Variants in VWC2 observed in about 807,000 individuals in gnomAD.
VWC2 encodes brorin.
A neutral mutation model predicts 29.8 loss-of-function variants in VWC2; 14 were observed. The observed-to-expected ratio is 0.47, with a 90% CI of 0.31 to 0.74. The LOEUF (loss-of-function observed/expected upper bound fraction) is 0.74, where lower values mean the gene tolerates loss of function less well. Ranked by LOEUF, VWC2 falls within the 30% of genes least tolerant of loss-of-function variation. The probability of loss-of-function intolerance (pLI) is 0.05; values close to 1 mark genes in which losing one functional copy is unlikely to be tolerated. For missense variants in VWC2, 457 were observed against 459.8 expected (o/e 0.99, Z 0.05); for synonymous variants, 213 against 199.0 (o/e 1.07, Z -0.59).
intron 3 of VWC2, among the ~76,000 whole-genome samples, chr7:49,830,935 T>C (rs1789512112): frequency 6.6e-6 from 1 of 152,204 alleles, no homozygotes; most frequent in Non-Finnish European, 1.5e-5. Flanking sequence ...ACATTTGGGT[T>C]GGTTCCAAGT....
chr7:49,839,189 C>G (rs548279885), intron 3 of VWC2, among the ~76,000 whole-genome samples: 3 of 152,116 alleles, frequency 2.0e-5, no homozygotes, highest in African/African-American at 7.2e-5. Flanking sequence ...TTTCCAGCCC[C>G]CAGAACTGTG....
chr7:49,789,284 AGT>A (rs1319418744), intron 2 of VWC2, among the ~76,000 whole-genome samples: 5 of 105,298 alleles, frequency 4.7e-5, no homozygotes, highest in East Asian at 3.1e-4. Context: ...TGTGTGTGAG[AGT>A]GTGAGTGTGA....
intron 3 of VWC2, among the ~76,000 whole-genome samples, chr7:49,815,642 A>G (rs1025703196): frequency 6.6e-6 from 1 of 152,242 alleles, no homozygotes; most frequent in Non-Finnish European, 1.5e-5. Flanking sequence ...GGTTCTTAAT[A>G]ACTGAAGACC....
rs1023692874 is a variant in VWC2, at chr7:49,775,655, C to T, written c.220C>T (p.Arg74Trp). The T allele has an allele frequency of 7.2e-6, 11 of 1,527,482 alleles. No individual in the cohort carries two copies. Among genetic ancestry groups the T allele is most frequent in the East Asian group, 2.6e-5 (1 of 39,066 alleles). The allele number at this position is 1,527,482 out of a possible 1,614,324, so 94.6% of individuals were successfully genotyped here. ...GGCGAGGGACGAGGGCGGCAGCGGC[C>T]GGGACTGGAAGAGCAAGAGCGGCCG... ...RPARDEGGSG[R>W]DWKSKSGRGL... is the part of the protein sequence containing the mutation. Residue 74 changes from arginine (R) to tryptophan (W), a missense_variant, in exon 2 of 4, where the codon CGG (arginine) becomes TGG (tryptophan). By Grantham distance (101) the Arg-to-Trp change is moderately radical (BLOSUM62 -3). This residue lies in a region of VWC2 where 272 missense variants were observed against 202.7 expected (regional missense o/e 1.34). Transcript: ENST00000340652.
chr7:49,844,432 T>C (rs1321396177), intron 3 of VWC2, among the ~76,000 whole-genome samples: 1 of 152,208 alleles, frequency 6.6e-6, no homozygotes, highest in Non-Finnish European at 1.5e-5. Flanking sequence ...ACTATAGATA[T>C]GAAAGCTTCT....
intron 2 of VWC2, among the ~76,000 whole-genome samples, chr7:49,794,451 A>G (rs1042369398): frequency 1.3e-5 from 2 of 152,198 alleles, no homozygotes; most frequent in Non-Finnish European, 2.9e-5. Flanking sequence ...ATACGTTGGA[A>G]TTTGCATCCA....
intron 3 of VWC2, among the ~76,000 whole-genome samples, chr7:49,814,837 C>T (rs1789099662): frequency 6.6e-6 from 1 of 152,200 alleles, no homozygotes; most frequent in South Asian, 2.1e-4. Context: ...ATCTCTGCTT[C>T]TCTTTAACTC....
chr7:49,876,917 T>G (rs1352575454), intron 3 of VWC2, among the ~76,000 whole-genome samples: 1 of 152,060 alleles, frequency 6.6e-6, no homozygotes, highest in East Asian at 1.9e-4. Context: ...ATCCTTTTGA[T>G]GCACTCCTGT....
At chr7:49,830,788 G>T (rs935612843) in intron 3 of VWC2, among the ~76,000 whole-genome samples, 1 of 151,970 alleles carries the variant, frequency 6.6e-6, no homozygotes. Flanking sequence ...TTGTCCTTGC[G>T]ATAGTTTGCT....
In VWC2 at chr7:49,825,900, T is replaced by C. The variant is rs113013543; in HGVS notation, c.826+23060T>C. 8.5e-4 allele frequency among the ~76,000 whole-genome samples: 129 copies of C among 152,330 alleles called. 1 individual carries two copies. The highest frequency in any genetic ancestry group is 2.9e-3 in the African/African-American group (121 of 41,576). On this transcript the variant is annotated intron_variant, in intron 3 of 3. Coordinates refer to ENST00000340652, the MANE Select transcript of VWC2 (RefSeq NM_198570.5). ...CGGTTGGCCAGAGTTACAGGCAGTT[T>C]GTACTGATTTGGAGTCTTACCCTTT...
At chr7:49,792,258 G>T (rs903564325) in intron 2 of VWC2, among the ~76,000 whole-genome samples, 1 of 152,170 alleles carries the variant, frequency 6.6e-6, no homozygotes, top group Non-Finnish European at 1.5e-5. Flanking sequence ...GCCACTCACC[G>T]CTGTAAGCAC....
At chr7:49,791,361 T>C (rs944775850) in intron 2 of VWC2, among the ~76,000 whole-genome samples, 1 of 152,208 alleles carries the variant, frequency 6.6e-6, no homozygotes, top group Non-Finnish European at 1.5e-5. Flanking sequence ...CATTCATGCC[T>C]TTCACTAACT....
At chr7:49,802,680 C>T (rs751509027) in intron 2 of VWC2, 31 bp from the exon 3 acceptor site, 7 of 1,613,498 alleles carry the variant, frequency 4.3e-6, no homozygotes, top group African/African-American at 2.7e-5. Context: ...TGACAGCAGG[C>T]TAAAGTGCTG....
intron 1 of VWC2, 62 bp downstream of exon 1, chr7:49,774,175 C>G (rs554650328): frequency 6.6e-6 from 1 of 152,634 alleles, no homozygotes. Context: ...CCCGCGCGGC[C>G]GGACGCGCTC....
rs189453607 is a variant in VWC2, at chr7:49,914,719, A to T, written c.*2534A>T. On this transcript the variant is annotated 3_prime_UTR_variant, in exon 4 of 4. Coordinates refer to ENST00000340652, the MANE Select transcript of VWC2 (RefSeq NM_198570.5). ...TTTTCCTCCCCTCTGTTGTCAGAGA[A>T]CTCTTTGCTGAGATTGTCAACAACA... 3.9e-5 allele frequency: 6 copies of T among 152,270 alleles called. No homozygotes were observed. Among genetic ancestry groups the T allele is most frequent in the Admixed American group, 3.9e-4 (6 of 15,278 alleles). 9.4% of individuals were successfully genotyped at this position (152,270 alleles called of 1,614,324 possible).
chr7:49,798,057 G>C (rs13237574), intron 2 of VWC2, among the ~76,000 whole-genome samples: 1 of 152,314 alleles, frequency 6.6e-6, no homozygotes, highest in Non-Finnish European at 1.5e-5. Flanking sequence ...TCATCTGATC[G>C]GAAAAAATGT....
chr7:49,852,640 G>A (rs905450410), intron 3 of VWC2, among the ~76,000 whole-genome samples: 1 of 152,142 alleles, frequency 6.6e-6, no homozygotes, highest in Non-Finnish European at 1.5e-5. Flanking sequence ...GCAAGGTGAT[G>A]TCTCACCTCC....
At chr7:49,778,481 C>T (rs1334990823) in intron 2 of VWC2, among the ~76,000 whole-genome samples, 1 of 152,206 alleles carries the variant, frequency 6.6e-6, no homozygotes, top group African/African-American at 2.4e-5. Flanking sequence ...ATGTCAACTA[C>T]ATAAAGATTT....
At chr7:49,852,105 G>C (rs751478511) in intron 3 of VWC2, among the ~76,000 whole-genome samples, 2 of 152,234 alleles carry the variant, frequency 1.3e-5, no homozygotes, top group Non-Finnish European at 2.9e-5. Flanking sequence ...GCAGGCACCA[G>C]TACCACCTGT....
Sources: allele counts gnomAD v4.1 joint callset (sites outside exome capture counted in the v4.1 genomes callset), GRCh38; gene constraint gnomAD v4.1.1; regional missense constraint gnomAD v4.1.1; transcripts MANE v1.5; gene names NCBI Gene and HGNC (gene_info 2026-07-23, HGNC 2026-07-21).